Variants in SCN1B observed in about 807,000 individuals in gnomAD.
The protein encoded by SCN1B is sodium voltage-gated channel beta subunit 1, also known as sodium channel regulatory subunit beta-1.
A neutral mutation model predicts 25.7 loss-of-function variants in SCN1B; 11 were observed. That is an observed-to-expected ratio of 0.43 (90% CI 0.27 to 0.71). SCN1B has a LOEUF of 0.71. Among genes scored for constraint, SCN1B ranks in the 30% least tolerant of loss-of-function variants. SCN1B has a pLI of 0.21. For synonymous variants in SCN1B, 119 were observed against 117.5 expected (o/e 1.01, Z -0.08); for missense variants, 224 against 291.5 (o/e 0.77, Z 1.69).
Position 35,030,868 on chromosome 19 carries a change from C to A in SCN1B, c.40+8C>A. 1.4e-6 allele frequency: 1 copy of A among 732,920 alleles called. No individual in the cohort carries two copies. Among genetic ancestry groups the A allele is most frequent in the Non-Finnish European group, 1.7e-6 (1 of 572,638 alleles). 45.4% of individuals were successfully genotyped at this position (732,920 alleles called of 1,614,324 possible). On this transcript the variant is annotated splice_region_variant and intron_variant, in intron 1 of 5. Coordinates refer to ENST00000262631, the MANE Select transcript of SCN1B (RefSeq NM_001037.5). Reference sequence around the variant, plus strand: ...TGGTCGGCGCGGCACTGGGTGAGTGCGCGGGGGGCGCGCGCGGCCGGGGGG... The same window carrying A: ...TGGTCGGCGCGGCACTGGGTGAGTGAGCGGGGGGCGCGCGCGGCCGGGGGG...
In SCN1B at chr19:35,039,827, C is replaced by A; in HGVS notation, c.*36C>A. 3.9e-6 allele frequency: 4 copies of A among 1,023,520 alleles called. No homozygotes were observed. The highest frequency in any genetic ancestry group is 3.2e-5 in the African/African-American group (2 of 62,862). The allele number at this position is 1,023,520 out of a possible 1,614,324, so 63.4% of individuals were successfully genotyped here. On this transcript the variant is annotated 3_prime_UTR_variant, in exon 6 of 6. Transcript: ENST00000262631. ...GGGCCCCGCCTCAAGGAAGAGCCAG[C>A]CGTAATGGGGACTCTCCAGGCACCG... is the stretch of plus-strand genomic sequence containing the variant.
intron 2 of SCN1B, among the ~76,000 whole-genome samples, chr19:35,033,037 C>T (rs988484507): frequency 6.6e-6 from 1 of 152,156 alleles, no homozygotes; most frequent in Non-Finnish European, 1.5e-5. Flanking sequence ...ATAGTCATTA[C>T]GGAGGGAAGA....
In SCN1B at chr19:35,038,641, C is replaced by G. The variant is rs191098359; in HGVS notation, c.449-476C>G. On this transcript the variant is annotated intron_variant, in intron 3 of 5. Transcript: ENST00000262631. ...TTAGGCTTTATAGCCCCAGTTATAA[C>G]AACAATAATAATACTAATACAAGTG... 4.7e-3 allele frequency: 1,083 copies of G among 228,644 alleles called. 2 individuals carry two copies. The highest frequency in any genetic ancestry group is 7.6e-3 in the Non-Finnish European group (864 of 113,024). 14.2% of individuals were successfully genotyped at this position (228,644 alleles called of 1,614,324 possible). A position where few individuals can be genotyped will look rare whatever the true frequency, so the allele number is the denominator to read the frequency against.
At chr19:35,034,058 C>T in intron 3 of SCN1B, 2 of 1,551,040 alleles carry the variant, frequency 1.3e-6, no homozygotes, top group Non-Finnish European at 1.7e-6. Flanking sequence ...CTGGGCTTGC[C>T]CGGGATAATA....
rs188373901 is a variant in SCN1B at position 35,039,366 on chromosome 19, G to A, written c.590+108G>A. 3.1e-5 allele frequency: 47 copies of A among 1,497,600 alleles called. No individual in the cohort carries two copies. In the Admixed American group the frequency reaches 4.6e-4, roughly 15 times the overall value. The allele number at this position is 1,497,600 out of a possible 1,614,324, so 92.8% of individuals were successfully genotyped here. ...AGGAGGCAGCGGAGCGGCCCAGGGC[G>A]CCATCTCTCAGTACTACCCAGAGGG... On this transcript the variant is annotated intron_variant, in intron 4 of 5. Coordinates refer to ENST00000262631, the MANE Select transcript of SCN1B (RefSeq NM_001037.5).
At chr19:35,036,004 G>A (rs1199348859) in intron 3 of SCN1B, 2 of 151,190 alleles carry the variant, frequency 1.3e-5, no homozygotes, top group African/African-American at 4.9e-5. Context: ...ACGTAGCTGG[G>A]ACTACAGGTG....
At chr19:35,036,416 G>C (rs2064247981) in intron 3 of SCN1B, 2 of 151,854 alleles carry the variant, frequency 1.3e-5, no homozygotes, top group Non-Finnish European at 2.9e-5. Flanking sequence ...TACTGTATTT[G>C]TTAGCACTGC....
At position 35,032,830 on chromosome 19, in the gene SCN1B, A is replaced by C; in HGVS notation, c.207+136A>C. On this transcript the variant is annotated intron_variant, in intron 2 of 5. Coordinates refer to ENST00000262631, the MANE Select transcript of SCN1B (RefSeq NM_001037.5). The surrounding 1 kb of genome is among the most constrained non-coding windows in gnomAD (Gnocchi z 4.3). Reference sequence around the variant, plus strand: ...TGACCTGGATTCAGATTCTGGCTCCACCAGTGGCCAGCTGGTGACCTTGGC... The same window carrying C: ...TGACCTGGATTCAGATTCTGGCTCCCCCAGTGGCCAGCTGGTGACCTTGGC... 9.2e-7 allele frequency: 1 copy of C among 1,085,742 alleles called. No homozygotes were observed. Among genetic ancestry groups the C allele is most frequent in the Non-Finnish European group, 1.3e-6 (1 of 744,694 alleles). The allele number at this position is 1,085,742 out of a possible 1,614,324, so 67.3% of individuals were successfully genotyped here.
chr19:35,030,929 G>C (rs2064209413), intron 1 of SCN1B, 69 bp downstream of exon 1: 1 of 251,732 alleles, frequency 4.0e-6, no homozygotes, highest in African/African-American at 2.3e-5. Context: ...CGGGAGTGGC[G>C]CTCGGGACAC....
intron 3 of SCN1B, chr19:35,035,833 A>G (rs2064244290): frequency 6.6e-6 from 1 of 152,100 alleles, no homozygotes; most frequent in Admixed American, 6.6e-5. Flanking sequence ...ATTACACAAT[A>G]TATTTTACTA....
chr19:35,039,975 A>G lies in SCN1B; in HGVS notation c.*184A>G. 1 of 539,242 alleles carries G rather than the reference A, an allele frequency of 1.9e-6. No individual in the cohort carries two copies. Among genetic ancestry groups the G allele is most frequent in the Non-Finnish European group, 3.4e-6 (1 of 298,302 alleles). 33.4% of individuals were successfully genotyped at this position (539,242 alleles called of 1,614,324 possible). A position where few individuals can be genotyped will look rare whatever the true frequency, so the allele number is the denominator to read the frequency against. On this transcript the variant is annotated 3_prime_UTR_variant, in exon 6 of 6. Transcript: ENST00000262631. ...TCGCACCCCCACTTTCGCCTCCTCC[A>G]GCTCCTGCCCCGCCGGCCGCGCACC...
At chr19:35,034,872 T>G (rs2064238453) in intron 3 of SCN1B, 1 of 152,270 alleles carries the variant, frequency 6.6e-6, no homozygotes, top group Non-Finnish European at 1.5e-5. Flanking sequence ...ACTGTGTTTC[T>G]GTTCTTGGCA....
Position 35,030,875 on chromosome 19 carries a change from GGC to G in SCN1B, c.40+23_40+24del, listed in dbSNP as rs1568347969. 2.3e-5 allele frequency: 15 copies of G among 661,630 alleles called. No individual in the cohort carries two copies. The highest frequency in any genetic ancestry group is 2.8e-5 in the Non-Finnish European group (14 of 508,208). 41.0% of individuals were successfully genotyped at this position (661,630 alleles called of 1,614,324 possible). A position where few individuals can be genotyped will look rare whatever the true frequency, so the allele number is the denominator to read the frequency against. ...CGCGGCACTGGGTGAGTGCGCGGGGGGCGCGCGCGGCCGGGGGGCACCGCGGG... is the reference window on the plus strand; with the variant it reads ...CGCGGCACTGGGTGAGTGCGCGGGGGGCGCGCGGCCGGGGGGCACCGCGGG... On this transcript the variant is annotated intron_variant, in intron 1 of 5. Coordinates refer to ENST00000262631, the MANE Select transcript of SCN1B (RefSeq NM_001037.5).
chr19:35,033,197 CT>C (rs1329482578), intron 2 of SCN1B, among the ~76,000 whole-genome samples: 2 of 151,992 alleles, frequency 1.3e-5, no homozygotes, highest in Non-Finnish European at 2.9e-5. Flanking sequence ...AGGAGTGTGT[CT>C]GGTGGCTGGG....
At position 35,030,719 on chromosome 19, in the gene SCN1B, G is replaced by A; in HGVS notation, c.-102G>A. On this transcript the variant is annotated 5_prime_UTR_variant, in exon 1 of 6. Coordinates refer to ENST00000262631, the MANE Select transcript of SCN1B (RefSeq NM_001037.5). Reference sequence around the variant, plus strand: ...CCAGAGCCGCAGCTGCTGCGCCCGCGCGCTCCCGGGGACATTCTAACCGCC... The same window carrying A: ...CCAGAGCCGCAGCTGCTGCGCCCGCACGCTCCCGGGGACATTCTAACCGCC... 2 of 279,342 alleles carry A rather than the reference G, an allele frequency of 7.2e-6. No individual in the cohort carries two copies. The highest frequency in any genetic ancestry group is 1.4e-5 in the Non-Finnish European group (2 of 147,984). The allele number at this position is 279,342 out of a possible 1,614,324, so 17.3% of individuals were successfully genotyped here. A position where few individuals can be genotyped will look rare whatever the true frequency, so the allele number is the denominator to read the frequency against.
In SCN1B at chr19:35,032,277, CTACCTAATGT is replaced by C. The variant is rs1177033230; in HGVS notation, c.41-250_41-241del. Among the ~76,000 whole-genome samples, 2 of 152,202 alleles carry C rather than the reference CTACCTAATGT, an allele frequency of 1.3e-5. No homozygotes were observed. The highest frequency in any genetic ancestry group is 2.9e-5 in the Non-Finnish European group (2 of 68,038). On this transcript the variant is annotated intron_variant, in intron 1 of 5. Transcript: ENST00000262631. This position sits in a 1 kb window ranked among gnomAD's most constrained non-coding sequence, Gnocchi z 4.3. ...TATGGGGCCTCCCATGTACAAGGCC[CTACCTAATGT>C]ATGAAAATGGGCCCAGCCATTGCTG...
In SCN1B at chr19:35,032,624, G is replaced by A. The variant is rs1024702691; in HGVS notation, c.137G>A (p.Arg46His). The change falls in exon 2 of 6, where the codon CGC (arginine) becomes CAC (histidine). Residue 46 changes from arginine to histidine, a missense_variant. Physicochemically the swap from Arg to His is conservative, Grantham distance 29 (BLOSUM62 0). Around this residue, in one of 3 missense-constraint regions of SCN1B, gnomAD observed 126 missense variants for 204.9 expected, o/e 0.61. Transcript: ENST00000262631. The surrounding 1 kb of genome is among the most constrained non-coding windows in gnomAD (Gnocchi z 4.3). Reference protein sequence around the residue: ...FKILCISCKRRSETNAETFTE... With the variant: ...FKILCISCKRHSETNAETFTE... ...ATTCTTTGCATCTCCTGCAAGCGCC[G>A]CAGCGAGACCAACGCTGAGACCTTC... The A allele has an allele frequency of 1.9e-6, 3 of 1,614,142 alleles. No homozygotes were observed. The highest frequency in any genetic ancestry group is 1.7e-5 in the Admixed American group (1 of 60,036).
intron 3 of SCN1B, chr19:35,037,525 AG>A: frequency 6.6e-6 from 1 of 152,220 alleles, no homozygotes; most frequent in East Asian, 1.9e-4. Context: ...TCCTGAGACC[AG>A]CCACCATGGG....
rs751009774 is a variant in SCN1B, at chr19:35,033,549, C to T, written c.258C>T (p.Phe86=). ...TGCAGCTGGAGGAGGATGAGCGCTT[C>T]GAGGGCCGCGTGGTGTGGAATGGCA... ...EVLQLEEDER[F]EGRVVWNGSR... Residue 86 remains phenylalanine, a synonymous_variant, in exon 3 of 6, where the codon TTC becomes TTT. Coordinates refer to ENST00000262631, the MANE Select transcript of SCN1B (RefSeq NM_001037.5). The T allele has an allele frequency of 2.2e-5, 35 of 1,613,970 alleles. No homozygotes were observed. The highest frequency in any genetic ancestry group is 1.7e-4 in the Middle Eastern group (1 of 6,060).
Sources: allele counts gnomAD v4.1 joint callset (sites outside exome capture counted in the v4.1 genomes callset), GRCh38; gene constraint gnomAD v4.1.1; regional missense constraint gnomAD v4.1.1; non-coding constraint Gnocchi (gnomAD v3.1); transcripts MANE v1.5; gene names NCBI Gene and HGNC (gene_info 2026-07-23, HGNC 2026-07-21).